Variants in UTS2R observed in about 807,000 individuals in gnomAD.
UTS2R encodes the protein urotensin 2 receptor.
For missense variants in UTS2R, 653 were observed against 562.2 expected (o/e 1.16, Z -1.63); for synonymous variants, 335 against 280.9 (o/e 1.19, Z -1.93).
At position 82,376,768 on chromosome 17, in the gene UTS2R, C is replaced by G. The variant is rs1256360462; in HGVS notation, c.*1274C>G. Among the ~76,000 whole-genome samples the G allele has an allele frequency of 6.6e-6, 1 of 152,230 alleles. No individual in the cohort carries two copies. Among genetic ancestry groups the G allele is most frequent in the Non-Finnish European group, 1.5e-5 (1 of 68,046 alleles). ...TGTTTTACTTTAAAAACAAAAGGAT[C>G]CCACTCCCCGACCTTGTCCCTCTGT... On this transcript the variant is annotated 3_prime_UTR_variant, in exon 3 of 3. Transcript: ENST00000313135.
Position 82,372,667 on chromosome 17 carries a change from G to T in UTS2R, c.-199G>T, listed in dbSNP as rs2052459226. On this transcript the variant is annotated 5_prime_UTR_variant, in exon 2 of 3. Coordinates refer to ENST00000313135, the MANE Select transcript of UTS2R (RefSeq NM_018949.3). ...ACTCCTTCACTGGCTTCATGTCACA[G>T]TTTGCCTGCCCCGTCCACTGGGGAC... is the stretch of plus-strand genomic sequence containing the variant. 6.6e-6 allele frequency among the ~76,000 whole-genome samples: 1 copy of T among 152,222 alleles called. No individual in the cohort carries two copies. The highest frequency in any genetic ancestry group is 6.5e-5 in the Admixed American group (1 of 15,282).
chr17:82,374,343 TC>T lies in UTS2R; in HGVS notation c.23del (p.Pro8ArgfsTer125). The stretch of plus-strand genomic sequence containing the variant: ...GTCAGAGATGGCGCTGACCCCCGAG[TC>T]CCCGAGCAGCTTCCCTGGGCTGGCC... Reference protein sequence around the residue: MALTPESPSSFPGLAAT... With the variant: MALTPEXPSSFPGLAAT... On this transcript the variant is annotated frameshift_variant, in exon 3 of 3. Coordinates refer to ENST00000313135, the MANE Select transcript of UTS2R (RefSeq NM_018949.3). LOFTEE classifies it low-confidence loss of function (END_TRUNC). 1 of 1,576,868 alleles carries T rather than the reference TC, an allele frequency of 6.3e-7. No individual in the cohort carries two copies. The highest frequency in any genetic ancestry group is 8.6e-7 in the Non-Finnish European group (1 of 1,168,912).
intron 1 of UTS2R, among the ~76,000 whole-genome samples, 186 bp downstream of exon 1, chr17:82,372,233 C>T (rs77272176): frequency 0.04 from 6,064 of 152,258 alleles, 132 homozygotes; most frequent in African/African-American, 0.05. Flanking sequence ...CCCTAGCGAC[C>T]CTGGAGCAAT....
In UTS2R at chr17:82,374,972, C is replaced by T. The variant is rs201853752; in HGVS notation, c.648C>T (p.Phe216=). 4.2e-6 allele frequency: 5 copies of T among 1,191,674 alleles called. No individual in the cohort carries two copies. Among genetic ancestry groups the T allele is most frequent in the East Asian group, 5.2e-5 (2 of 38,468 alleles). The allele number at this position is 1,191,674 out of a possible 1,614,324, so 73.8% of individuals were successfully genotyped here. The change falls in exon 3 of 3, where the codon TTC becomes TTT. Residue 216 remains phenylalanine (F), a synonymous_variant. Coordinates refer to ENST00000313135, the MANE Select transcript of UTS2R (RefSeq NM_018949.3). ...RAHRAYLTLL[F]ATSIAGPGLL... ...ACCGCGCCTACCTGACGCTGCTCTT[C>T]GCCACCAGCATCGCGGGGCCCGGGC...
In UTS2R at chr17:82,374,224, T is replaced by G; in HGVS notation, c.-82-19T>G. ...CCTGGGAGCGGAAGGTGTTGCCTGA[T>G]TTGCTTCTTTCCCCACAGGCTGAGC... On this transcript the variant is annotated intron_variant, in intron 2 of 2. Transcript: ENST00000313135. The G allele has an allele frequency of 2.1e-6, 2 of 947,648 alleles. No homozygotes were observed. Among genetic ancestry groups the G allele is most frequent in the Non-Finnish European group, 3.1e-6 (2 of 653,808 alleles). 58.7% of individuals were successfully genotyped at this position (947,648 alleles called of 1,614,324 possible).
In UTS2R at chr17:82,375,427, AC is replaced by A; in HGVS notation, c.1104del (p.Asp368GlufsTer84). 3 of 1,570,882 alleles carry A rather than the reference AC, an allele frequency of 1.9e-6. No individual in the cohort carries two copies. Among genetic ancestry groups the A allele is most frequent in the Non-Finnish European group, 2.6e-6 (3 of 1,168,010 alleles). On this transcript the variant is annotated frameshift_variant, in exon 3 of 3. Transcript: ENST00000313135. LOFTEE classifies it low-confidence loss of function (END_TRUNC). ...SLSSCSPQPT[D>X]SLVLAPAAPA... is the part of the protein sequence containing the mutation. ...TCTTCCTGCAGCCCACAGCCCACTG[AC>A]AGCCTCGTGCTGGCCCCAGCGGCCC...
chr17:82,374,283 G>A lies in UTS2R; in HGVS notation c.-42G>A, dbSNP rs764703548. The A allele has an allele frequency of 4.5e-5, 67 of 1,473,414 alleles. No individual in the cohort carries two copies. The highest frequency in any genetic ancestry group is 5.8e-5 in the Non-Finnish European group (65 of 1,112,712). 91.3% of individuals were successfully genotyped at this position (1,473,414 alleles called of 1,614,324 possible). On this transcript the variant is annotated 5_prime_UTR_variant, in exon 3 of 3. Transcript: ENST00000313135. Reference sequence around the variant, plus strand: ...CACAGGGGCCCCCGCCCCATCTCAGGGAGTGTCCACCCAGCCCTGAGCCCG... The same window carrying A: ...CACAGGGGCCCCCGCCCCATCTCAGAGAGTGTCCACCCAGCCCTGAGCCCG...
Position 82,375,082 on chromosome 17 carries a change from G to A in UTS2R, c.758G>A (p.Gly253Glu), listed in dbSNP as rs1379940391. Reference sequence around the variant, plus strand: ...TCCTTCAAGCGGGCCCGGCGGCCGGGGGCGCGCGCGCTGCGCCTGGTGCTG... The same window carrying A: ...TCCTTCAAGCGGGCCCGGCGGCCGGAGGCGCGCGCGCTGCGCCTGGTGCTG... ...RASFKRARRPGARALRLVLGI... is the reference protein window; with the variant it reads ...RASFKRARRPEARALRLVLGI... The change falls in exon 3 of 3, where the codon GGG becomes GAG. Residue 253 changes from glycine to glutamate, a missense_variant. Physicochemically the swap from Gly to Glu is moderately conservative, Grantham distance 98. Coordinates refer to ENST00000313135, the MANE Select transcript of UTS2R (RefSeq NM_018949.3). 6 of 1,408,080 alleles carry A rather than the reference G, an allele frequency of 4.3e-6. No individual in the cohort carries two copies. Among genetic ancestry groups the A allele is most frequent in the Non-Finnish European group, 3.7e-6 (4 of 1,089,106 alleles). 87.2% of individuals were successfully genotyped at this position (1,408,080 alleles called of 1,614,324 possible). A position where few individuals can be genotyped will look rare whatever the true frequency, so the allele number is the denominator to read the frequency against.
rs537467125 is a variant in UTS2R, at chr17:82,375,369, G to A, written c.1045G>A (p.Ala349Thr). ...GCCCGTTCCCTCCCTGCAGCCCCGC[G>A]CCCGCTTCCAGCGCTGTTCGGGCCG... is the stretch of plus-strand genomic sequence containing the variant. ...RGPVPSLQPRARFQRCSGRSL... is the reference protein window; with the variant it reads ...RGPVPSLQPRTRFQRCSGRSL... The change falls in exon 3 of 3, where the codon GCC (alanine) becomes ACC (threonine). Residue 349 changes from alanine to threonine, a missense_variant. By Grantham distance (58) the Ala-to-Thr change is moderately conservative (BLOSUM62 0). Coordinates refer to ENST00000313135, the MANE Select transcript of UTS2R (RefSeq NM_018949.3). 22 of 1,577,970 alleles carry A rather than the reference G, an allele frequency of 1.4e-5. No homozygotes were observed. The Admixed American group carries it at 1.9e-4, about 14-fold the overall frequency.
Position 82,375,987 on chromosome 17 carries a change from A to AG in UTS2R, c.*498dup. Among the ~76,000 whole-genome samples, 1 of 152,316 alleles carries AG rather than the reference A, an allele frequency of 6.6e-6. No homozygotes were observed. Among genetic ancestry groups the AG allele is most frequent in the Non-Finnish European group, 1.5e-5 (1 of 68,020 alleles). ...TCCCCAGGACGACAACGGCAGCTCA[A>AG]GGGGGAGCCTGTGGGTCTGGCTGGG... On this transcript the variant is annotated 3_prime_UTR_variant, in exon 3 of 3. Coordinates refer to ENST00000313135, the MANE Select transcript of UTS2R (RefSeq NM_018949.3).
At position 82,377,274 on chromosome 17, in the gene UTS2R, G is replaced by A. The variant is rs574966749; in HGVS notation, c.*1780G>A. ...ACAGATGCTTGAAGGCAGCACGCTC[G>A]TTAGGAGTCATCACCACTCCCTAAT... is the stretch of plus-strand genomic sequence containing the variant. On this transcript the variant is annotated 3_prime_UTR_variant, in exon 3 of 3. Coordinates refer to ENST00000313135, the MANE Select transcript of UTS2R (RefSeq NM_018949.3). 7.9e-5 allele frequency among the ~76,000 whole-genome samples: 12 copies of A among 152,258 alleles called. No homozygotes were observed. Among genetic ancestry groups the A allele is most frequent in the South Asian group, 4.1e-4 (2 of 4,828 alleles).
Position 82,374,681 on chromosome 17 carries a change from G to A in UTS2R, c.357G>A (p.Gly119=), listed in dbSNP as rs1211573291. ...ACGTCACCAAGGAGTGGCACTTCGG[G>A]GACGTGGGCTGCCGCGTGCTCTTCG... The part of the protein sequence containing the change: ...ATYVTKEWHF[G]DVGCRVLFGL... Residue 119 remains glycine, a synonymous_variant, in exon 3 of 3, where the codon GGG becomes GGA. Transcript: ENST00000313135. 4 of 1,613,300 alleles carry A rather than the reference G, an allele frequency of 2.5e-6. No individual in the cohort carries two copies. In the African/African-American group the frequency reaches 4.0e-5, roughly 16 times the overall value.
rs368257880 is a variant in UTS2R at position 82,375,365 on chromosome 17, C to T, written c.1041C>T (p.Pro347=). The T allele has an allele frequency of 5.3e-5, 84 of 1,578,706 alleles. No homozygotes were observed. Among genetic ancestry groups the T allele is most frequent in the Non-Finnish European group, 6.9e-5 (80 of 1,167,636 alleles). ...GGRGPVPSLQ[P]RARFQRCSGR... The stretch of plus-strand genomic sequence containing the variant: ...GGGGGCCCGTTCCCTCCCTGCAGCC[C>T]CGCGCCCGCTTCCAGCGCTGTTCGG... Residue 347 remains proline, a synonymous_variant, in exon 3 of 3, where the codon CCC becomes CCT. Transcript: ENST00000313135.
rs936387647 is a variant in UTS2R, at chr17:82,374,329, C to A, written c.5C>A (p.Ala2Glu). 6 of 1,565,280 alleles carry A rather than the reference C, an allele frequency of 3.8e-6. 1 individual carries two copies. In the East Asian group the frequency reaches 1.1e-4, roughly 30 times the overall value. The change falls in exon 3 of 3, where the codon GCG becomes GAG. Residue 2 changes from alanine to glutamate, a missense_variant. Coordinates refer to ENST00000313135, the MANE Select transcript of UTS2R (RefSeq NM_018949.3). The stretch of plus-strand genomic sequence containing the variant: ...GCCCGTCGTGAGGGGTCAGAGATGG[C>A]GCTGACCCCCGAGTCCCCGAGCAGC... M[A>E]LTPESPSSFP...
In UTS2R at chr17:82,374,789, G is replaced by T; in HGVS notation, c.465G>T (p.Pro155=). 2 of 1,591,574 alleles carry T rather than the reference G, an allele frequency of 1.3e-6. No individual in the cohort carries two copies. The highest frequency in any genetic ancestry group is 1.7e-6 in the Non-Finnish European group (2 of 1,171,704). The change falls in exon 3 of 3, where the codon CCG becomes CCT. Residue 155 remains proline (P), a synonymous_variant. Coordinates refer to ENST00000313135, the MANE Select transcript of UTS2R (RefSeq NM_018949.3). ...SSERYAAVLR[P]LDTVQRPKGY... ...AGCGCTACGCTGCGGTGCTGCGGCC[G>T]CTGGACACCGTGCAGCGCCCCAAGG...
Position 82,375,539 on chromosome 17 carries a change from A to C in UTS2R, c.*45A>C. On this transcript the variant is annotated 3_prime_UTR_variant, in exon 3 of 3. Coordinates refer to ENST00000313135, the MANE Select transcript of UTS2R (RefSeq NM_018949.3). ...GAGTCCAGGCGGGGACGCGCCCCAA[A>C]GCCCCAGCCACTCCCGGGAGCCCCC... 1.3e-6 allele frequency: 1 copy of C among 773,980 alleles called. No homozygotes were observed. Among genetic ancestry groups the C allele is most frequent in the Non-Finnish European group, 1.9e-6 (1 of 524,036 alleles). 47.9% of individuals were successfully genotyped at this position (773,980 alleles called of 1,614,324 possible).
rs199909106 is a variant in UTS2R, at chr17:82,374,684, C to G, written c.360C>G (p.Asp120Glu). ...TCACCAAGGAGTGGCACTTCGGGGA[C>G]GTGGGCTGCCGCGTGCTCTTCGGCC... ...TYVTKEWHFG[D>E]VGCRVLFGLD... Residue 120 changes from aspartate to glutamate, a missense_variant, in exon 3 of 3, where the codon GAC becomes GAG. Asp to Glu is a conservative substitution (Grantham distance 45, BLOSUM62 2). Transcript: ENST00000313135. 2 of 1,613,366 alleles carry G rather than the reference C, an allele frequency of 1.2e-6. No individual in the cohort carries two copies. Among genetic ancestry groups the G allele is most frequent in the Middle Eastern group, 1.7e-4 (1 of 6,060 alleles).
In UTS2R at chr17:82,375,185, G is replaced by C. The variant is rs901736954; in HGVS notation, c.861G>C (p.Pro287=). Residue 287 remains proline, a synonymous_variant, in exon 3 of 3, where the codon CCG becomes CCC. Coordinates refer to ENST00000313135, the MANE Select transcript of UTS2R (RefSeq NM_018949.3). ...WQLLAQYHQA[P]LAPRTARIVN... is the part of the protein sequence containing the mutation. ...TGCTCGCCCAGTACCACCAGGCCCC[G>C]CTGGCGCCGCGGACGGCGCGCATCG... is the stretch of plus-strand genomic sequence containing the variant. 2 of 1,556,214 alleles carry C rather than the reference G, an allele frequency of 1.3e-6. No homozygotes were observed. The highest frequency in any genetic ancestry group is 2.4e-5 in the East Asian group (1 of 41,032).
At chr17:82,373,026 G>A (rs1044279899) in intron 2 of UTS2R, among the ~76,000 whole-genome samples, 3 of 152,182 alleles carry the variant, frequency 2.0e-5, no homozygotes, top group African/African-American at 4.8e-5. Context: ...TGTTGGCTGC[G>A]TGGGTGTCCT....
Sources: gnomAD v4.1 joint callset for allele counts (sites outside exome capture counted in the v4.1 genomes callset) on GRCh38, gnomAD v4.1.1 for gene constraint, MANE v1.5 for transcripts, NCBI Gene and HGNC (gene_info 2026-07-23, HGNC 2026-07-21) for gene names.